PPP1R13B: variants seen among roughly 807,000 people sequenced by gnomAD.
PPP1R13B encodes apoptosis-stimulating of p53 protein 1.
In PPP1R13B, 44 loss-of-function variants were observed where a neutral mutation model predicts 119.8. That is an observed-to-expected ratio of 0.37 (90% CI 0.29 to 0.47). The LOEUF (loss-of-function observed/expected upper bound fraction) is 0.47. Among genes scored for constraint, PPP1R13B ranks in the 20% least tolerant of loss-of-function variants. PPP1R13B has a pLI of 0.99. For missense variants in PPP1R13B, 1,227 were observed against 1,413.5 expected, an observed-to-expected ratio of 0.87 and a Z score of 2.12; for synonymous variants, 542 against 561.5, an observed-to-expected ratio of 0.97 and a Z score of 0.49.
intron 3 of PPP1R13B, 120 bp downstream of exon 3, chr14:103,784,675 C>T: frequency 1.1e-6 from 1 of 932,212 alleles, no homozygotes; most frequent in Non-Finnish European, 1.4e-6. Context: ...CCAACTTTCC[C>T]TCTAGCCACT....
intron 11 of PPP1R13B, 97 bp downstream of exon 11, chr14:103,741,693 A>G: frequency 7.1e-7 from 1 of 1,398,866 alleles, no homozygotes; most frequent in Non-Finnish European, 9.7e-7. Flanking sequence ...AATCCTAAAT[A>G]GCACGTGGCC....
intron 2 of PPP1R13B, among the ~76,000 whole-genome samples, chr14:103,787,487 T>C (rs1008936173): frequency 1.3e-5 from 2 of 149,982 alleles, no homozygotes; most frequent in Admixed American, 6.6e-5. Flanking sequence ...GCTCACGTGC[T>C]CTATCAAGAA....
At chr14:103,819,491 C>A (rs1490967435) in intron 1 of PPP1R13B, among the ~76,000 whole-genome samples, 1 of 141,190 alleles carries the variant, frequency 7.1e-6, no homozygotes. Context: ...AATGAGAAAT[C>A]TGTCTATTAA....
chr14:103,792,169 CGTGTGTGT>C (rs58782839), intron 2 of PPP1R13B, among the ~76,000 whole-genome samples: 5 of 137,254 alleles, frequency 3.6e-5, no homozygotes, highest in African/African-American at 1.1e-4. Context: ...CTCTATTCAT[CGTGTGTGT>C]GTGTGTGTGT....
Position 103,738,638 on chromosome 14 carries a change from G to A in PPP1R13B, c.2864+41C>T, listed in dbSNP as rs762184652. 1.1e-5 allele frequency: 17 copies of A among 1,607,470 alleles called. No individual in the cohort carries two copies. Among genetic ancestry groups the A allele is most frequent in the African/African-American group, 6.7e-5 (5 of 74,832 alleles). Reference sequence around the variant, plus strand: ...CGCCTGTTTTCCTTATGCAAAGCAGGGAAAGTAAATCTGTCCACCCCACAC... The same window carrying A: ...CGCCTGTTTTCCTTATGCAAAGCAGAGAAAGTAAATCTGTCCACCCCACAC... On this transcript the variant is annotated intron_variant, in intron 14 of 16. Coordinates refer to ENST00000202556, the MANE Select transcript of PPP1R13B (RefSeq NM_015316.3). The surrounding 1 kb of genome is among the most constrained non-coding windows in gnomAD (Gnocchi z 5.6).
At chr14:103,832,587 G>T (rs953630295) in intron 1 of PPP1R13B, among the ~76,000 whole-genome samples, 4 of 152,178 alleles carry the variant, frequency 2.6e-5, no homozygotes, top group African/African-American at 9.7e-5. Flanking sequence ...CTTGACTATT[G>T]TAAGGGACTA....
chr14:103,781,812 C>T (rs1271046508), intron 3 of PPP1R13B, among the ~76,000 whole-genome samples: 4 of 151,980 alleles, frequency 2.6e-5, no homozygotes, highest in Admixed American at 1.3e-4. Context: ...CCACCACACT[C>T]GGCTAATTTT....
intron 1 of PPP1R13B, among the ~76,000 whole-genome samples, chr14:103,840,301 G>A (rs1387407303): frequency 2.6e-5 from 4 of 152,144 alleles, no homozygotes; most frequent in Non-Finnish European, 5.9e-5. Context: ...ACATACAAAC[G>A]CATGTTGACA....
chr14:103,769,232 C>A (rs996264651), intron 4 of PPP1R13B, among the ~76,000 whole-genome samples: 2 of 151,658 alleles, frequency 1.3e-5, no homozygotes, highest in African/African-American at 4.8e-5. Flanking sequence ...ATCACAGGTG[C>A]GTGCCACCAT....
chr14:103,812,551 C>T (rs116173302), intron 1 of PPP1R13B, among the ~76,000 whole-genome samples: 1,931 of 151,820 alleles, frequency 0.013, 41 homozygotes, highest in African/African-American at 0.044. Context: ...TCCTGAGTAG[C>T]GGGGATTGGG....
intron 9 of PPP1R13B, among the ~76,000 whole-genome samples, chr14:103,743,739 G>T (rs529483006): frequency 2.0e-5 from 3 of 152,338 alleles, no homozygotes; most frequent in Admixed American, 1.3e-4. Flanking sequence ...AGTAGCAGCA[G>T]GAAAATCAGT....
Position 103,847,291 on chromosome 14 carries a change from T to G in PPP1R13B, c.9+8A>C. On this transcript the variant is annotated splice_region_variant and intron_variant, in intron 1 of 16. Transcript: ENST00000202556. ...AGCCGCCGCCACCTCCCGCCCGCCC[T>G]CACCCACCGGCATCATCGCGGGGAG... is the stretch of plus-strand genomic sequence containing the variant. 2.1e-5 allele frequency: 14 copies of G among 656,578 alleles called. No individual in the cohort carries two copies. The highest frequency in any genetic ancestry group is 2.7e-5 in the Non-Finnish European group (13 of 476,938). 40.7% of individuals were successfully genotyped at this position (656,578 alleles called of 1,614,324 possible).
At position 103,739,872 on chromosome 14, in the gene PPP1R13B, G is replaced by A. The variant is rs1443892510; in HGVS notation, c.2544C>T (p.Val848=). The part of the protein sequence containing the change: ...AEAPSPGEEQ[V]PPAPLPPASH... ...TGGCAGGGGGAAGAGGTGCTGGAGG[G>A]ACCTGCTCTTCCCCTGGAGATGGGG... Residue 848 remains valine, a synonymous_variant, in exon 12 of 17, where the codon GTC becomes GTT. Transcript: ENST00000202556. 1 of 1,613,610 alleles carries A rather than the reference G, an allele frequency of 6.2e-7. No homozygotes were observed. The highest frequency in any genetic ancestry group is 8.5e-7 in the Non-Finnish European group (1 of 1,179,958).
intron 3 of PPP1R13B, among the ~76,000 whole-genome samples, chr14:103,780,046 G>A (rs1567117502): frequency 6.6e-6 from 1 of 152,052 alleles, no homozygotes; most frequent in Non-Finnish European, 1.5e-5. Flanking sequence ...CTAACTAGGA[G>A]GCTGAGGCAG....
At chr14:103,803,774 A>G (rs919670502) in intron 1 of PPP1R13B, among the ~76,000 whole-genome samples, 1 of 152,196 alleles carries the variant, frequency 6.6e-6, no homozygotes, top group Non-Finnish European at 1.5e-5. Context: ...AAGATGCCCT[A>G]CTTATGCCTT....
chr14:103,762,549 G>A (rs1392925403), intron 4 of PPP1R13B, among the ~76,000 whole-genome samples: 5 of 150,232 alleles, frequency 3.3e-5, no homozygotes, highest in East Asian at 1.9e-4. Context: ...GTATACATAC[G>A]TAACAAACCT....
intron 1 of PPP1R13B, among the ~76,000 whole-genome samples, chr14:103,799,821 G>C (rs910683688): frequency 6.6e-6 from 1 of 151,862 alleles, no homozygotes; most frequent in East Asian, 2.0e-4. Context: ...CAAGGTGGGT[G>C]GATCACCTGA....
At chr14:103,758,175 G>C (rs540418977) in intron 4 of PPP1R13B, among the ~76,000 whole-genome samples, 1 of 152,122 alleles carries the variant, frequency 6.6e-6, no homozygotes. Flanking sequence ...ATGAAAATAC[G>C]TAACAGATTC....
At chr14:103,794,063 G>T (rs2085694826) in intron 2 of PPP1R13B, among the ~76,000 whole-genome samples, 2 of 152,132 alleles carry the variant, frequency 1.3e-5, no homozygotes, top group African/African-American at 2.4e-5. Context: ...ACAAGTCAAA[G>T]AGAGAGAGAG....
Sources: allele counts gnomAD v4.1 joint callset (sites outside exome capture counted in the v4.1 genomes callset), GRCh38; gene constraint gnomAD v4.1.1; non-coding constraint Gnocchi (gnomAD v3.1); transcripts MANE v1.5; gene names NCBI Gene and HGNC (gene_info 2026-07-23, HGNC 2026-07-21).